Variants in RPS6KA2 observed in about 807,000 individuals in gnomAD.
The protein encoded by RPS6KA2 is ribosomal protein S6 kinase alpha-2.
RPS6KA2 carries 42 observed loss-of-function variants against 91.8 expected under a neutral mutation model. The observed-to-expected ratio is 0.46, with a 90% CI of 0.36 to 0.59. The LOEUF is 0.59. Ranked by LOEUF, RPS6KA2 falls within the 20% of genes least tolerant of loss-of-function variation. RPS6KA2 has a pLI of 0.00. For synonymous variants in RPS6KA2, 414 were observed against 393.6 expected (o/e 1.05, Z -0.61); for missense variants, 798 against 978.5 (o/e 0.82, Z 2.46).
intron 2 of RPS6KA2, among the ~76,000 whole-genome samples, chr6:166,632,449 C>A (rs545670987): frequency 2.0e-5 from 3 of 151,936 alleles, no homozygotes; most frequent in African/African-American, 7.3e-5. Context: ...CCCTTCTCTA[C>A]TAAAAATACA....
chr6:166,843,127 T>C (rs1780526814), intron 2 of RPS6KA2, among the ~76,000 whole-genome samples: 1 of 152,130 alleles, frequency 6.6e-6, no homozygotes, highest in South Asian at 2.1e-4. Flanking sequence ...TACCCCACTT[T>C]CCTGGTGATC....
intron 2 of RPS6KA2, among the ~76,000 whole-genome samples, chr6:166,773,993 T>C (rs1345515795): frequency 6.6e-6 from 1 of 152,208 alleles, no homozygotes; most frequent in Non-Finnish European, 1.5e-5. Context: ...CTATCAGAAA[T>C]TTCTAAACAA....
chr6:166,564,121 G>A (rs3823202), intron 1 of RPS6KA2, among the ~76,000 whole-genome samples: 14,662 of 152,190 alleles, frequency 0.096, 1,222 homozygotes, highest in African/African-American at 0.22. Context: ...TTAGAGAAGC[G>A]GCCTATTAAC....
intron 2 of RPS6KA2, among the ~76,000 whole-genome samples, chr6:166,854,675 CTT>C (rs1211398699): frequency 1.3e-5 from 2 of 152,150 alleles, no homozygotes; most frequent in African/African-American, 4.8e-5. Context: ...CACAAAATTT[CTT>C]TCTTTTTCAA....
chr6:166,791,722 C>A (rs554433564), intron 2 of RPS6KA2, among the ~76,000 whole-genome samples: 9 of 151,576 alleles, frequency 5.9e-5, no homozygotes, highest in Non-Finnish European at 1.2e-4. Context: ...CACTCAAAAC[C>A]ACTCAACTAC....
chr6:166,633,009 G>A (rs1195951901), intron 2 of RPS6KA2, among the ~76,000 whole-genome samples: 1 of 152,244 alleles, frequency 6.6e-6, no homozygotes, highest in East Asian at 1.9e-4. Flanking sequence ...GAGCCCAGGA[G>A]TTCAAGGCCA....
chr6:166,828,198 AG>A (rs1780094608), intron 2 of RPS6KA2, among the ~76,000 whole-genome samples: 1 of 152,226 alleles, frequency 6.6e-6, no homozygotes, highest in South Asian at 2.1e-4. Context: ...CTGTGGCCTC[AG>A]GGAGTCCTCT....
In RPS6KA2 at chr6:166,469,845, C is replaced by T. The variant is rs1361490886; in HGVS notation, c.968G>A (p.Trp323Ter). ...GGACTGTGGCATGCAACTTACGTTC[C>T]AGTCTATGGTCACAAAGAAGGGATG... ...KRHPFFVTIDWNTLYRKEIKP... is the reference protein window; with the variant it reads ...KRHPFFVTID The change falls in exon 11 of 21, where the codon TGG (tryptophan) becomes TAG (stop). Residue 323 changes from tryptophan to a stop codon, truncating the protein, a stop_gained. Coordinates refer to ENST00000265678, the MANE Select transcript of RPS6KA2 (RefSeq NM_021135.6). LOFTEE classifies it high-confidence loss of function. 4 of 1,614,024 alleles carry T rather than the reference C, an allele frequency of 2.5e-6. No homozygotes were observed. The highest frequency in any genetic ancestry group is 3.4e-6 in the Non-Finnish European group (4 of 1,179,874).
intron 3 of RPS6KA2, among the ~76,000 whole-genome samples, chr6:166,514,737 CT>C (rs1782583900): frequency 6.6e-6 from 1 of 152,202 alleles, no homozygotes; most frequent in South Asian, 2.1e-4. Flanking sequence ...CAAAAGGATA[CT>C]GCTATCCAGC....
At chr6:166,705,159 A>G (rs967324800) in intron 2 of RPS6KA2, among the ~76,000 whole-genome samples, 1 of 152,234 alleles carries the variant, frequency 6.6e-6, no homozygotes, top group Non-Finnish European at 1.5e-5. Context: ...CAACATGTCA[A>G]CATGTCAATA....
chr6:166,781,360 C>T (rs1261105906), intron 2 of RPS6KA2, among the ~76,000 whole-genome samples: 2 of 152,332 alleles, frequency 1.3e-5, no homozygotes, highest in South Asian at 4.1e-4. Context: ...GGACGCTGTC[C>T]TCACACCCCC....
intron 2 of RPS6KA2, among the ~76,000 whole-genome samples, chr6:166,697,166 C>A (rs1789383902): frequency 6.6e-6 from 1 of 151,572 alleles, no homozygotes; most frequent in Admixed American, 6.6e-5. Flanking sequence ...TCTGGTGAAC[C>A]CTAATACACC....
At chr6:166,566,032 AATAAAG>A (rs1784489196) in intron 1 of RPS6KA2, among the ~76,000 whole-genome samples, 1 of 152,256 alleles carries the variant, frequency 6.6e-6, no homozygotes, top group Non-Finnish European at 1.5e-5. Context: ...TTGGGATAGA[AATAAAG>A]AATGGGAAGA....
At chr6:166,454,300 C>A (rs1388493761) in intron 12 of RPS6KA2, among the ~76,000 whole-genome samples, 1 of 152,170 alleles carries the variant, frequency 6.6e-6, no homozygotes, top group Non-Finnish European at 1.5e-5. Context: ...GAGTTCACGA[C>A]CAGCCTAACC....
At chr6:166,837,937 A>C (rs959644842) in intron 2 of RPS6KA2, among the ~76,000 whole-genome samples, 5 of 152,264 alleles carry the variant, frequency 3.3e-5, no homozygotes. Flanking sequence ...ATGGAAATGG[A>C]AATTAAGAAA....
rs923124554 is a variant in RPS6KA2 at position 166,639,651 on chromosome 6, TAAG to T, written c.124-100870_124-100868del. ...TGCTCCTGCCCCGCTGACTTACTCC[TAAG>T]AAGATGAACTGTGGTGTCTCCGTGA... On this transcript the variant is annotated intron_variant, in intron 2 of 21. Coordinates refer to the RPS6KA2 transcript ENST00000503859. The surrounding 1 kb of genome is among the most constrained non-coding windows in gnomAD (Gnocchi z 4.2). Among the ~76,000 whole-genome samples, 3 of 152,164 alleles carry T rather than the reference TAAG, an allele frequency of 2.0e-5. No homozygotes were observed. The highest frequency in any genetic ancestry group is 7.2e-5 in the African/African-American group (3 of 41,420).
chr6:166,671,968 G>T (rs1458474834), intron 2 of RPS6KA2, among the ~76,000 whole-genome samples: 1 of 152,122 alleles, frequency 6.6e-6, no homozygotes, highest in Non-Finnish European at 1.5e-5. Flanking sequence ...AGGAGTCCAG[G>T]GGTCTGACAC....
At chr6:166,706,926 T>C (rs891434844) in intron 2 of RPS6KA2, among the ~76,000 whole-genome samples, 1 of 152,220 alleles carries the variant, frequency 6.6e-6, no homozygotes, top group Non-Finnish European at 1.5e-5. Context: ...AGGAAGTTTT[T>C]GAAAAACATT....
chr6:166,447,549 C>T (rs1779720051), intron 14 of RPS6KA2, among the ~76,000 whole-genome samples: 1 of 152,132 alleles, frequency 6.6e-6, no homozygotes, highest in South Asian at 2.1e-4. Flanking sequence ...ACACGGTAGA[C>T]GTTCCCAGTG....
Sources: gnomAD v4.1 joint callset for allele counts (sites outside exome capture counted in the v4.1 genomes callset) on GRCh38, gnomAD v4.1.1 for gene constraint, Gnocchi (gnomAD v3.1) non-coding constraint, MANE v1.5 for transcripts, NCBI Gene and HGNC (gene_info 2026-07-23, HGNC 2026-07-21) for gene names.